The following ROR1 variants were observed in gnomAD, a reference collection of about 807,000 sequenced individuals.
ROR1 encodes inactive tyrosine-protein kinase transmembrane receptor ROR1.
A neutral mutation model predicts 78.8 loss-of-function variants in ROR1; 19 were observed. The ratio of observed to expected loss-of-function variants is 0.24; its 90% CI spans 0.17 to 0.35. The LOEUF (loss-of-function observed/expected upper bound fraction) is 0.35. ROR1 is among the 10% of genes least tolerant of loss of function. The probability of loss-of-function intolerance (pLI) is 1.00; values close to 1 mark genes in which losing one functional copy is unlikely to be tolerated. For synonymous variants in ROR1, 386 were observed against 433.6 expected (o/e 0.89, Z 1.36); for missense variants, 917 against 1,177.8 (o/e 0.78, Z 3.24).
chr1:63,866,740 C>T (rs1299969314), intron 1 of ROR1, among the ~76,000 whole-genome samples: 2 of 152,002 alleles, frequency 1.3e-5, no homozygotes, highest in African/African-American at 2.4e-5. Context: ...TGGCTGGAAA[C>T]GATTTTATTA....
chr1:63,822,332 CATTA>C (rs1485009391), intron 1 of ROR1, among the ~76,000 whole-genome samples: 3 of 152,320 alleles, frequency 2.0e-5, no homozygotes, highest in South Asian at 2.1e-4. Flanking sequence ...AGTTTGCTTG[CATTA>C]ATTAATCAAC....
chr1:64,055,222 G>A (rs532627477), intron 4 of ROR1, among the ~76,000 whole-genome samples: 1 of 152,356 alleles, frequency 6.6e-6, no homozygotes, highest in Non-Finnish European at 1.5e-5. Context: ...ATTCTAATGT[G>A]TGAGAGCTTT....
At position 64,134,625 on chromosome 1, in the gene ROR1, A is replaced by G. The variant is rs533904100; in HGVS notation, c.483-2744A>G. ...TGTGGTTCTCAACCACATTCAAATC[A>G]CCTGATAGGTTTCTTTAAGCATAGA... On this transcript the variant is annotated intron_variant, in intron 4 of 8. Transcript: ENST00000371079. 2.4e-4 allele frequency among the ~76,000 whole-genome samples: 36 copies of G among 152,102 alleles called. No individual in the cohort carries two copies. The South Asian group carries it at 6.7e-3, about 28-fold the overall frequency.
intron 4 of ROR1, chr1:64,111,442 C>T (rs1648092025): frequency 6.6e-6 from 1 of 152,154 alleles, no homozygotes. Context: ...ATTTAGCTTC[C>T]TCGGGTTCCT....
chr1:64,080,615 G>C (rs1292997173), intron 4 of ROR1, among the ~76,000 whole-genome samples: 1 of 152,180 alleles, frequency 6.6e-6, no homozygotes, highest in Non-Finnish European at 1.5e-5. Context: ...GTCACTTTTG[G>C]TTAGGGTCCA....
At chr1:63,914,208 G>A (rs1645592127) in intron 1 of ROR1, among the ~76,000 whole-genome samples, 1 of 152,242 alleles carries the variant, frequency 6.6e-6, no homozygotes, top group Non-Finnish European at 1.5e-5. Context: ...TTCAGAAGGT[G>A]AAGCAAAGAG....
chr1:63,899,974 C>A (rs1303638186), intron 1 of ROR1, among the ~76,000 whole-genome samples: 2 of 151,986 alleles, frequency 1.3e-5, no homozygotes, highest in East Asian at 1.9e-4. Context: ...CCTTTAAAAA[C>A]AGTGTGTTAT....
chr1:64,043,548 G>A (rs1384461309), intron 2 of ROR1, among the ~76,000 whole-genome samples: 1 of 152,156 alleles, frequency 6.6e-6, no homozygotes, highest in Non-Finnish European at 1.5e-5. Context: ...TTCCAGTTAC[G>A]TCATAAGCAA....
intron 1 of ROR1, among the ~76,000 whole-genome samples, chr1:63,901,839 C>A (rs1359558090): frequency 6.6e-6 from 1 of 151,946 alleles, no homozygotes; most frequent in Non-Finnish European, 1.5e-5. Flanking sequence ...ACTAGATAGG[C>A]CCTGACCTCA....
chr1:64,100,266 G>C (rs923231799), intron 4 of ROR1, among the ~76,000 whole-genome samples: 21 of 151,914 alleles, frequency 1.4e-4, no homozygotes, highest in African/African-American at 4.8e-4. Flanking sequence ...AGGATAGCTT[G>C]AGACCAGGAG....
chr1:64,052,185 C>CTT (rs538059021), intron 4 of ROR1, among the ~76,000 whole-genome samples: 13 of 121,602 alleles, frequency 1.1e-4, no homozygotes, highest in Non-Finnish European at 1.2e-4. Context: ...TGCTAATCTG[C>CTT]TTTTTTTTTT....
At chr1:63,840,239 G>A (rs1171071962) in intron 1 of ROR1, among the ~76,000 whole-genome samples, 1 of 151,794 alleles carries the variant, frequency 6.6e-6, no homozygotes, top group East Asian at 1.9e-4. Context: ...CTGTGAAATA[G>A]GACCTGAGCT....
At chr1:64,108,668 C>T (rs1647942586) in intron 4 of ROR1, among the ~76,000 whole-genome samples, 1 of 152,020 alleles carries the variant, frequency 6.6e-6, no homozygotes, top group Non-Finnish European at 1.5e-5. Flanking sequence ...CACACACACA[C>T]CAATACAACA....
intron 1 of ROR1, among the ~76,000 whole-genome samples, chr1:63,832,937 T>G (rs2100301512): frequency 6.6e-6 from 1 of 152,354 alleles, no homozygotes; most frequent in African/African-American, 2.4e-5. Context: ...ATTACAACTT[T>G]CTGTCCATTT....
chr1:64,133,987 A>C (rs1472078244), intron 4 of ROR1, among the ~76,000 whole-genome samples: 1 of 152,218 alleles, frequency 6.6e-6, no homozygotes, highest in Admixed American at 6.5e-5. Flanking sequence ...ACCTTTTACC[A>C]CCCAGAATGC....
intron 1 of ROR1, among the ~76,000 whole-genome samples, chr1:63,901,785 A>G (rs1406083220): frequency 1.3e-5 from 2 of 152,166 alleles, no homozygotes; most frequent in Admixed American, 6.6e-5. Context: ...TATATTAATG[A>G]ATACAACTCC....
rs74420775 is a variant in ROR1, at chr1:64,145,871, C to T, written c.1174+3221C>T. 5.9e-5 allele frequency among the ~76,000 whole-genome samples: 9 copies of T among 152,182 alleles called. No individual in the cohort carries two copies. In the East Asian group the frequency reaches 1.7e-3, roughly 29 times the overall value. ...TCATACTCTGACAGGTATTATTAAC[C>T]CTATTTTTGCTGATACAGAAGCTGA... On this transcript the variant is annotated intron_variant, in intron 7 of 8. Transcript: ENST00000371079.
chr1:63,835,526 G>A (rs752550345), intron 1 of ROR1, among the ~76,000 whole-genome samples: 1 of 152,268 alleles, frequency 6.6e-6, no homozygotes, highest in East Asian at 1.9e-4. Context: ...TCCAACAAAC[G>A]TATTTTGATA....
intron 1 of ROR1, among the ~76,000 whole-genome samples, chr1:63,995,382 CCT>C (rs1399600162): frequency 1.3e-5 from 2 of 152,080 alleles, no homozygotes; most frequent in East Asian, 3.9e-4. Flanking sequence ...TGTACTTTTG[CCT>C]CTCTCAAATT....
Sources: gnomAD v4.1 joint callset for allele counts (sites outside exome capture counted in the v4.1 genomes callset) on GRCh38, gnomAD v4.1.1 for gene constraint, MANE v1.5 for transcripts, NCBI Gene and HGNC (gene_info 2026-07-23, HGNC 2026-07-21) for gene names.